Variants in SMIM40 observed in about 807,000 individuals in gnomAD.
The protein encoded by SMIM40 is small integral membrane protein 40.
intron 1 of SMIM40, among the ~76,000 whole-genome samples, chr6:33,325,970 A>G (rs1018748180): frequency 6.7e-6 from 1 of 149,746 alleles, no homozygotes; most frequent in African/African-American, 2.6e-5. Flanking sequence ...TCTTACAATC[A>G]CAAGAAAGAT....
At chr6:33,326,117 T>C (rs1771154990) in intron 1 of SMIM40, among the ~76,000 whole-genome samples, 1 of 147,768 alleles carries the variant, frequency 6.8e-6, no homozygotes. Flanking sequence ...AAAGAGGTGA[T>C]GAAAGAAAAA....
chr6:33,328,712 C>A (rs913082052), intron 1 of SMIM40, among the ~76,000 whole-genome samples: 3 of 151,786 alleles, frequency 2.0e-5, no homozygotes, highest in Non-Finnish European at 4.4e-5. Context: ...CATGGAGAAA[C>A]CTTGTCTCTA....
intron 1 of SMIM40, among the ~76,000 whole-genome samples, chr6:33,327,336 C>G (rs1190943229): frequency 6.8e-6 from 1 of 147,978 alleles, no homozygotes; most frequent in African/African-American, 2.7e-5. Flanking sequence ...GCAGAAGAAT[C>G]GCTTGAACCC....
chr6:33,326,606 C>T (rs1346711376), intron 1 of SMIM40, among the ~76,000 whole-genome samples: 1 of 148,676 alleles, frequency 6.7e-6, no homozygotes. Context: ...GGGCAGATCA[C>T]TTGAGGTCAG....
At chr6:33,328,188 T>TTTTATG (rs1231784256) in intron 1 of SMIM40, among the ~76,000 whole-genome samples, 1 of 151,534 alleles carries the variant, frequency 6.6e-6, no homozygotes. Flanking sequence ...TTATTTTTAT[T>TTTTATG]TATTTATTTA....
At chr6:33,326,483 T>A in intron 1 of SMIM40, among the ~76,000 whole-genome samples, 1 of 148,314 alleles carries the variant, frequency 6.7e-6, no homozygotes, top group Non-Finnish European at 1.5e-5. Flanking sequence ...GCCATCACTA[T>A]GATATTTCAA....
At chr6:33,327,797 C>A (rs1396911232) in intron 1 of SMIM40, among the ~76,000 whole-genome samples, 1 of 140,806 alleles carries the variant, frequency 7.1e-6, no homozygotes, top group Non-Finnish European at 1.5e-5. Context: ...GAAGTGGAGG[C>A]AGGCTGCAGT....
rs1164676614 is a variant in SMIM40, at chr6:33,329,143, G to A, written c.123C>T (p.Leu41=). 1.0e-5 allele frequency: 4 copies of A among 398,774 alleles called. No individual in the cohort carries two copies. Among genetic ancestry groups the A allele is most frequent in the African/African-American group, 8.2e-5 (4 of 48,664 alleles). 24.7% of individuals were successfully genotyped at this position (398,774 alleles called of 1,614,324 possible). Reference sequence around the variant, plus strand: ...CCTCCAGCATCAGCAGTGTCAGGAAGAGGGCCAGGAAGATAAAGAAAGCCT... The same window carrying A: ...CCTCCAGCATCAGCAGTGTCAGGAAAAGGGCCAGGAAGATAAAGAAAGCCT... ...LDKAFFIFLA[L]FLTLLMLEAA... Residue 41 remains leucine, a synonymous_variant, in exon 1 of 3, where the codon CTC becomes CTT. Coordinates refer to ENST00000494082, the MANE Select transcript of SMIM40 (RefSeq NM_001369203.1).
At position 33,324,804 on chromosome 6, in the gene SMIM40, G is replaced by T. The variant is rs1332847218; in HGVS notation, c.*40-774C>A. On this transcript the variant is annotated intron_variant, in intron 1 of 2. Transcript: ENST00000494082. ...GGAGGCTGAGGCAGGAGAACCGCTC[G>T]AATCCGGGAGGCGGAGGTTGCAGTA... 4.4e-5 allele frequency among the ~76,000 whole-genome samples: 6 copies of T among 136,820 alleles called. No individual in the cohort carries two copies. In the South Asian group the frequency reaches 1.4e-3, roughly 32 times the overall value. 89.8% of individuals were successfully genotyped at this position (136,820 alleles called of 152,430 possible).
intron 1 of SMIM40, among the ~76,000 whole-genome samples, chr6:33,327,831 C>A (rs1168646434): frequency 6.9e-6 from 1 of 144,136 alleles, no homozygotes; most frequent in Non-Finnish European, 1.5e-5. Context: ...TGCCACTGCA[C>A]TCCAGCCTGG....
At chr6:33,325,364 C>A (rs866494628) in intron 1 of SMIM40, among the ~76,000 whole-genome samples, 790 of 88,804 alleles carry the variant, frequency 8.9e-3, no homozygotes, top group Middle Eastern at 0.019. Flanking sequence ...GACTCTGTCT[C>A]AAAAAAAAAA....
chr6:33,324,545 C>CTTT (rs9280406), intron 1 of SMIM40, among the ~76,000 whole-genome samples: 2 of 103,212 alleles, frequency 1.9e-5, no homozygotes, highest in African/African-American at 7.2e-5. Flanking sequence ...ACCACCTTTT[C>CTTT]TTTTTTTTTT....
At chr6:33,324,395 A>G (rs1162195432) in intron 1 of SMIM40, among the ~76,000 whole-genome samples, 1 of 151,624 alleles carries the variant, frequency 6.6e-6, no homozygotes, top group Non-Finnish European at 1.5e-5. Context: ...TCTTAAGAAA[A>G]AAAAAAAAAA....
intron 1 of SMIM40, among the ~76,000 whole-genome samples, chr6:33,325,238 G>C (rs894775027): frequency 2.7e-5 from 4 of 148,640 alleles, no homozygotes; most frequent in Admixed American, 6.6e-5. Context: ...TTGGTGGCAC[G>C]CGCCTGTAGT....
chr6:33,325,728 G>A lies in SMIM40; in HGVS notation c.*40-1698C>T, dbSNP rs538236081. Among the ~76,000 whole-genome samples the A allele has an allele frequency of 3.6e-3, 528 of 146,710 alleles. 5 individuals are homozygous for A. Among genetic ancestry groups the A allele is most frequent in the Non-Finnish European group, 5.1e-3 (345 of 67,630 alleles). On this transcript the variant is annotated intron_variant, in intron 1 of 2. Transcript: ENST00000494082. Reference sequence around the variant, plus strand: ...AAAAATTAGCTGGGCGTGGTGGTGGGCGCCTTGTAGACCCAGCTACTCCGG... The same window carrying A: ...AAAAATTAGCTGGGCGTGGTGGTGGACGCCTTGTAGACCCAGCTACTCCGG...
At chr6:33,328,615 G>C (rs1004598989) in intron 1 of SMIM40, among the ~76,000 whole-genome samples, 1 of 151,416 alleles carries the variant, frequency 6.6e-6, no homozygotes, top group Non-Finnish European at 1.5e-5. Context: ...CTGGCCGGGC[G>C]CAGTGGCTCA....
chr6:33,325,197 T>C lies in SMIM40; in HGVS notation c.*40-1167A>G, dbSNP rs1279762807. Among the ~76,000 whole-genome samples the C allele has an allele frequency of 5.4e-5, 8 of 148,450 alleles. No homozygotes were observed. The East Asian group carries it at 1.4e-3, about 26-fold the overall frequency. ...GCCTGGCCAACATGGTGAAACCCCG[T>C]CTCTACTAAAAACACAAAAATTATC... On this transcript the variant is annotated intron_variant, in intron 1 of 2. Coordinates refer to ENST00000494082, the MANE Select transcript of SMIM40 (RefSeq NM_001369203.1).
At chr6:33,327,908 G>A (rs1351949852) in intron 1 of SMIM40, among the ~76,000 whole-genome samples, 3 of 141,312 alleles carry the variant, frequency 2.1e-5, no homozygotes, top group African/African-American at 7.9e-5. Context: ...GGCCAACATG[G>A]TGAAATCCCC....
At chr6:33,325,466 C>T (rs1420651989) in intron 1 of SMIM40, among the ~76,000 whole-genome samples, 2 of 149,138 alleles carry the variant, frequency 1.3e-5, no homozygotes, top group Admixed American at 1.3e-4. Context: ...ACCTCAGCGT[C>T]TCAAAGTGCT....
Sources: gnomAD v4.1 joint callset for allele counts (sites outside exome capture counted in the v4.1 genomes callset) on GRCh38, gnomAD v4.1.1 for gene constraint, MANE v1.5 for transcripts, NCBI Gene and HGNC (gene_info 2026-07-23, HGNC 2026-07-21) for gene names.